TBC1D5: variants seen among roughly 807,000 people sequenced by gnomAD.
The protein encoded by TBC1D5 is TBC1 domain family, member 5.
In TBC1D5, 75 loss-of-function variants were observed where a neutral mutation model predicts 100.3. The ratio of observed to expected loss-of-function variants is 0.75; its 90% CI spans 0.62 to 0.91. TBC1D5 has a LOEUF of 0.91. Among genes scored for constraint, TBC1D5 ranks in the 40% least tolerant of loss-of-function variants. The pLI is 0.00. For synonymous variants in TBC1D5, 323 were observed against 325.6 expected, an observed-to-expected ratio of 0.99 and a Z score of 0.09; for missense variants, 910 against 942.4, an observed-to-expected ratio of 0.97 and a Z score of 0.45.
intron 2 of TBC1D5, among the ~76,000 whole-genome samples, chr3:17,610,346 G>A (rs1400768910): frequency 6.6e-6 from 1 of 152,064 alleles, no homozygotes; most frequent in Non-Finnish European, 1.5e-5. Context: ...CACCATGCAT[G>A]ACTAATTGTT....
intron 8 of TBC1D5, among the ~76,000 whole-genome samples, chr3:17,385,916 A>G (rs2093133985): frequency 6.6e-6 from 1 of 152,058 alleles, no homozygotes; most frequent in Admixed American, 6.6e-5. Flanking sequence ...ATGTCAGAGA[A>G]GCCAAAGAAA....
At chr3:17,275,171 C>T (rs780697780) in intron 15 of TBC1D5, among the ~76,000 whole-genome samples, 1 of 152,070 alleles carries the variant, frequency 6.6e-6, no homozygotes, top group Non-Finnish European at 1.5e-5. Context: ...CTGAGGTGCA[C>T]CTAAGAATTG....
intron 2 of TBC1D5, among the ~76,000 whole-genome samples, chr3:17,531,084 C>T (rs2096216487): frequency 6.6e-6 from 1 of 152,102 alleles, no homozygotes; most frequent in African/African-American, 2.4e-5. Context: ...TCTAGAAAAC[C>T]CCATCATCTC....
intron 2 of TBC1D5, among the ~76,000 whole-genome samples, chr3:17,516,286 TAA>T (rs2095986103): frequency 1.3e-5 from 2 of 152,154 alleles, no homozygotes; most frequent in African/African-American, 4.8e-5. Flanking sequence ...TTTATTAGAA[TAA>T]GTTTTTTTTA....
chr3:17,160,970 T>C (rs1034421514), exon 22 of TBC1D5: 2 of 1,613,352 alleles, frequency 1.2e-6, no homozygotes, highest in Non-Finnish European at 1.7e-6. Context: ...TGGTCAGATG[T>C]CCAGGGGACT....
At chr3:17,615,995 G>A (rs2062120519) in intron 2 of TBC1D5, among the ~76,000 whole-genome samples, 1 of 152,136 alleles carries the variant, frequency 6.6e-6, no homozygotes, top group Admixed American at 6.5e-5. Context: ...GTCGATTTCA[G>A]ATCTTTCCTG....
At chr3:17,514,761 T>C (rs2095961314) in intron 2 of TBC1D5, among the ~76,000 whole-genome samples, 1 of 152,090 alleles carries the variant, frequency 6.6e-6, no homozygotes, top group South Asian at 2.1e-4. Context: ...ACTATAAAAG[T>C]CAAACTGCCA....
intron 1 of TBC1D5, among the ~76,000 whole-genome samples, chr3:17,655,995 C>T (rs930716256): frequency 6.6e-6 from 1 of 152,180 alleles, no homozygotes; most frequent in East Asian, 1.9e-4. Context: ...TTTGTTACCG[C>T]AACCTTAGGA....
intron 16 of TBC1D5, among the ~76,000 whole-genome samples, chr3:17,256,893 C>G (rs1210094642): frequency 1.3e-5 from 2 of 152,024 alleles, no homozygotes; most frequent in Non-Finnish European, 2.9e-5. Context: ...CATGAAGAGG[C>G]ATGGGAAGAT....
chr3:17,647,912 T>A (rs1197556874), intron 1 of TBC1D5, among the ~76,000 whole-genome samples: 1 of 151,542 alleles, frequency 6.6e-6, no homozygotes, highest in African/African-American at 2.4e-5. Context: ...TGAAATGGAG[T>A]AGAATATACA....
At chr3:17,699,833 A>T (rs1326189090) in intron 1 of TBC1D5, 9 of 151,874 alleles carry the variant, frequency 5.9e-5, no homozygotes, top group Non-Finnish European at 8.8e-5. Flanking sequence ...AAAAAGAAAG[A>T]AAGTTTTCTC....
chr3:17,481,058 G>A (rs2095496065), intron 3 of TBC1D5, among the ~76,000 whole-genome samples: 1 of 152,208 alleles, frequency 6.6e-6, no homozygotes, highest in South Asian at 2.1e-4. Context: ...AACCAGGGTT[G>A]TGACAACCTC....
At chr3:17,625,769 C>T (rs1200089124) in intron 1 of TBC1D5, among the ~76,000 whole-genome samples, 1 of 151,830 alleles carries the variant, frequency 6.6e-6, no homozygotes, top group African/African-American at 2.4e-5. Flanking sequence ...ATAAAAACAC[C>T]TGAAGCAAAA....
chr3:17,313,320 G>A (rs283947), intron 13 of TBC1D5, among the ~76,000 whole-genome samples: 64,800 of 151,948 alleles, frequency 0.43, 14,554 homozygotes, highest in Middle Eastern at 0.5. Flanking sequence ...TATACAAAGA[G>A]TTAACGTGCA....
At position 17,624,471 on chromosome 3, in the gene TBC1D5, T is replaced by C. The variant is rs558244369; in HGVS notation, c.-100-558A>G. ...AACAGAAGGCTGACATTTCATAAAA[T>C]ATGCAGTGATAAAAACTAATACTGT... On this transcript the variant is annotated intron_variant, in intron 1 of 21. Coordinates refer to ENST00000253692, the Ensembl canonical transcript of TBC1D5. Among the ~76,000 whole-genome samples the C allele has an allele frequency of 3.3e-5, 5 of 152,230 alleles. No individual in the cohort carries two copies. The South Asian group carries it at 6.2e-4, about 19-fold the overall frequency.
chr3:17,438,985 G>A (rs1037161667), intron 3 of TBC1D5, among the ~76,000 whole-genome samples: 5 of 151,944 alleles, frequency 3.3e-5, no homozygotes, highest in Non-Finnish European at 7.4e-5. Flanking sequence ...AGTATATGTG[G>A]CAGTAAGGTC....
At chr3:17,494,789 T>G (rs1277396600) in intron 3 of TBC1D5, among the ~76,000 whole-genome samples, 1 of 152,092 alleles carries the variant, frequency 6.6e-6, no homozygotes, top group Non-Finnish European at 1.5e-5. Flanking sequence ...TGCCCCTCCC[T>G]CGGGAACTCA....
At chr3:17,237,924 T>C (rs982741648) in intron 17 of TBC1D5, among the ~76,000 whole-genome samples, 2 of 152,090 alleles carry the variant, frequency 1.3e-5, no homozygotes, top group South Asian at 4.1e-4. Flanking sequence ...TCATACTGTA[T>C]GGGCATCTAC....
chr3:17,443,467 A>C (rs753442473), intron 3 of TBC1D5, among the ~76,000 whole-genome samples: 2 of 152,206 alleles, frequency 1.3e-5, no homozygotes, highest in Non-Finnish European at 2.9e-5. Context: ...ATTCCTATCA[A>C]ACAACTTTAT....
Sources: allele counts gnomAD v4.1 joint callset (sites outside exome capture counted in the v4.1 genomes callset), GRCh38; gene constraint gnomAD v4.1.1; transcripts MANE v1.5; gene names NCBI Gene and HGNC (gene_info 2026-07-23, HGNC 2026-07-21).